Variants in ESRP1 observed in about 807,000 individuals in gnomAD.
The protein encoded by ESRP1 is epithelial splicing regulatory protein 1, also known as RNA-binding motif protein 35A.
ESRP1 carries 33 observed loss-of-function variants against 81.7 expected under a neutral mutation model. The observed-to-expected ratio is 0.40, with a 90% CI of 0.31 to 0.54. ESRP1 has a LOEUF of 0.54. Ranked by LOEUF, ESRP1 falls within the 20% of genes least tolerant of loss-of-function variation. The pLI is 0.41. For missense variants in ESRP1, 672 were observed against 833.1 expected (o/e 0.81, Z 2.38); for synonymous variants, 320 against 303.3 (o/e 1.06, Z -0.57).
intron 15 of ESRP1, among the ~76,000 whole-genome samples, chr8:94,699,910 T>A (rs932063362): frequency 7.2e-5 from 11 of 152,268 alleles, no homozygotes; most frequent in Admixed American, 5.9e-4. Context: ...TATATATATT[T>A]TTTTACCGCC....
chr8:94,673,312 C>T lies in ESRP1; in HGVS notation c.1453-996C>T, dbSNP rs78643202. Among the ~76,000 whole-genome samples the T allele has an allele frequency of 2.0e-4, 30 of 152,274 alleles. 1 individual carries two copies. The East Asian group carries it at 5.8e-3, about 29-fold the overall frequency. On this transcript the variant is annotated intron_variant, in intron 11 of 15. Coordinates refer to ENST00000433389, the MANE Select transcript of ESRP1 (RefSeq NM_017697.4). ...TTTGTCTCTCTTTGCCTCATGTGAC[C>T]TATTGTGATTACACTTGGGAAAAGG...
intron 13 of ESRP1, among the ~76,000 whole-genome samples, chr8:94,683,779 A>T (rs1423361688): frequency 6.6e-6 from 1 of 152,118 alleles, no homozygotes; most frequent in Non-Finnish European, 1.5e-5. Flanking sequence ...TTTAGTTTGG[A>T]TTAGGTTTCT....
intron 11 of ESRP1, among the ~76,000 whole-genome samples, chr8:94,673,195 A>G (rs934392221): frequency 3.9e-5 from 6 of 152,326 alleles, no homozygotes; most frequent in Middle Eastern, 3.4e-3. Flanking sequence ...AAAATTGCCC[A>G]CATTTAAGCA....
At chr8:94,685,897 T>C (rs566035125) in intron 13 of ESRP1, among the ~76,000 whole-genome samples, 1 of 152,276 alleles carries the variant, frequency 6.6e-6, no homozygotes, top group Admixed American at 6.5e-5. Flanking sequence ...TCATAACTTA[T>C]CAGGGAAATG....
intron 13 of ESRP1, among the ~76,000 whole-genome samples, chr8:94,679,168 C>G (rs1449834364): frequency 2.0e-5 from 3 of 152,144 alleles, no homozygotes; most frequent in Non-Finnish European, 4.4e-5. Context: ...TAATAACAGG[C>G]AAGTTTGTAG....
chr8:94,687,585 T>C (rs1809192723), intron 13 of ESRP1, among the ~76,000 whole-genome samples: 1 of 152,234 alleles, frequency 6.6e-6, no homozygotes. Context: ...GTAATTGCTT[T>C]CCAATTCTTA....
intron 11 of ESRP1, among the ~76,000 whole-genome samples, chr8:94,672,621 C>T (rs986077777): frequency 1.3e-5 from 2 of 152,044 alleles, no homozygotes; most frequent in Non-Finnish European, 2.9e-5. Flanking sequence ...TAATCTCTGC[C>T]TCCTGAGTTC....
Position 94,706,580 on chromosome 8 carries a change from G to C in ESRP1, c.*691G>C, listed in dbSNP as rs1160951407. The C allele has an allele frequency of 6.6e-6, 1 of 152,640 alleles. No homozygotes were observed. Among genetic ancestry groups the C allele is most frequent in the African/African-American group, 2.4e-5 (1 of 41,448 alleles). 9.5% of individuals were successfully genotyped at this position (152,640 alleles called of 1,614,324 possible). A position where few individuals can be genotyped will look rare whatever the true frequency, so the allele number is the denominator to read the frequency against. On this transcript the variant is annotated 3_prime_UTR_variant, in exon 16 of 16. Transcript: ENST00000433389. ...TGGATCTTTTTCTCAGCAGGTATCA[G>C]TTGTAAATAATGAATTAGGGGCCAA... is the stretch of plus-strand genomic sequence containing the variant.
At chr8:94,666,921 G>A (rs1487977494) in intron 9 of ESRP1, among the ~76,000 whole-genome samples, 1 of 152,126 alleles carries the variant, frequency 6.6e-6, no homozygotes, top group Admixed American at 6.5e-5. Flanking sequence ...TGCTATTAGG[G>A]GCTGGGCTTG....
intron 4 of ESRP1, among the ~76,000 whole-genome samples, chr8:94,661,207 A>G (rs1818727574): frequency 6.6e-6 from 1 of 151,936 alleles, no homozygotes; most frequent in Admixed American, 6.6e-5. Flanking sequence ...CGCCTGGTTA[A>G]TTTTGGTATT....
At chr8:94,654,297 G>A (rs552980121) in intron 4 of ESRP1, among the ~76,000 whole-genome samples, 4 of 152,254 alleles carry the variant, frequency 2.6e-5, no homozygotes, top group South Asian at 2.1e-4. Context: ...TAGCCTGGGC[G>A]ACAGAGTGAG....
At chr8:94,703,288 G>A (rs1444360363) in intron 15 of ESRP1, among the ~76,000 whole-genome samples, 1 of 151,910 alleles carries the variant, frequency 6.6e-6, no homozygotes, top group African/African-American at 2.4e-5. Context: ...CCGAGTAGCT[G>A]GGACTACAAG....
chr8:94,684,124 G>A (rs2130688259), intron 13 of ESRP1, among the ~76,000 whole-genome samples: 2 of 147,288 alleles, frequency 1.4e-5, no homozygotes, highest in Middle Eastern at 3.4e-3. Context: ...TGGGATTACA[G>A]GTGTGAGCCA....
At chr8:94,654,173 C>A (rs1015074070) in intron 4 of ESRP1, among the ~76,000 whole-genome samples, 1 of 151,774 alleles carries the variant, frequency 6.6e-6, no homozygotes, top group African/African-American at 2.4e-5. Flanking sequence ...ACAAAATTAT[C>A]TGGGTGTGGT....
Position 94,692,731 on chromosome 8 carries a change from C to G in ESRP1, c.1875C>G (p.Ser625Arg), listed in dbSNP as rs369829287. ...ACTTCCCTACAGCTGCTAATCTTAG[C>G]GGTGTCCCTCCACAGCCTGGCACGG... The part of the protein sequence containing the change: ...LGYFPTAANL[S>R]GVPPQPGTVV... The change falls in exon 14 of 16, where the codon AGC becomes AGG. Residue 625 changes from serine (S) to arginine (R), a missense_variant. Transcript: ENST00000433389. 1 of 1,613,820 alleles carries G rather than the reference C, an allele frequency of 6.2e-7. No individual in the cohort carries two copies. Among genetic ancestry groups the G allele is most frequent in the Non-Finnish European group, 8.5e-7 (1 of 1,179,866 alleles).
intron 14 of ESRP1, among the ~76,000 whole-genome samples, chr8:94,694,270 A>T (rs1809512074): frequency 6.6e-6 from 1 of 152,210 alleles, no homozygotes; most frequent in African/African-American, 2.4e-5. Flanking sequence ...AGGTTGCCTT[A>T]CATATAAATT....
At chr8:94,657,465 C>CTG (rs1463065686) in intron 4 of ESRP1, among the ~76,000 whole-genome samples, 29 of 97,966 alleles carry the variant, frequency 3.0e-4, no homozygotes, top group Admixed American at 1.0e-3. Flanking sequence ...CCTATTGAGG[C>CTG]TGTGTGCGTG....
chr8:94,641,848 G>C, intron 1 of ESRP1, 108 bp from the exon 2 acceptor site: 1 of 1,507,114 alleles, frequency 6.6e-7, no homozygotes, highest in Non-Finnish European at 8.9e-7. Flanking sequence ...TTCTGCGTCC[G>C]GACCCCAAGA....
At chr8:94,695,013 C>A (rs1462456979) in intron 14 of ESRP1, among the ~76,000 whole-genome samples, 3 of 152,160 alleles carry the variant, frequency 2.0e-5, no homozygotes, top group Admixed American at 6.5e-5. Flanking sequence ...TATACCTAAC[C>A]CAAGTTTGTA....
Sources: allele counts gnomAD v4.1 joint callset (sites outside exome capture counted in the v4.1 genomes callset), GRCh38; gene constraint gnomAD v4.1.1; transcripts MANE v1.5; gene names NCBI Gene and HGNC (gene_info 2026-07-23, HGNC 2026-07-21).